DTNA: variants seen among roughly 807,000 people sequenced by gnomAD.
DTNA encodes dystrobrevin alpha.
Under a neutral mutation model 100.7 loss-of-function variants are expected in DTNA, and 43 were observed. The observed-to-expected ratio is 0.43, with a 90% CI of 0.33 to 0.55. The LOEUF (loss-of-function observed/expected upper bound fraction) is 0.55, where lower values mean the gene tolerates loss of function less well. Ranked by LOEUF, DTNA falls within the 20% of genes least tolerant of loss-of-function variation. The pLI is 0.04. For synonymous variants in DTNA, 349 were observed against 347.9 expected (o/e 1.00, Z -0.04); for missense variants, 798 against 953.9 (o/e 0.84, Z 2.15).
chr18:34,704,501 C>T (rs2081872487), intron 1 of DTNA, among the ~76,000 whole-genome samples: 1 of 152,182 alleles, frequency 6.6e-6, no homozygotes, highest in Non-Finnish European at 1.5e-5. Flanking sequence ...GGTGATTTTT[C>T]CCCTCCTTAA....
chr18:34,553,442 GAAGT>G (rs2045674300), intron 1 of DTNA, among the ~76,000 whole-genome samples: 1 of 151,174 alleles, frequency 6.6e-6, no homozygotes, highest in Admixed American at 6.6e-5. Context: ...TTTTGGACAT[GAAGT>G]CCTTGCCCAT....
intron 1 of DTNA, among the ~76,000 whole-genome samples, chr18:34,549,421 A>T (rs187760946): frequency 6.6e-6 from 1 of 152,254 alleles, no homozygotes; most frequent in East Asian, 1.9e-4. Flanking sequence ...TTTGATTTAA[A>T]GGCATTGAAA....
chr18:34,814,083 GC>G (rs2095544938), intron 6 of DTNA, among the ~76,000 whole-genome samples: 1 of 152,098 alleles, frequency 6.6e-6, no homozygotes, highest in South Asian at 2.1e-4. Context: ...AGGGCAGGGG[GC>G]TGAGTTTTTA....
intron 1 of DTNA, among the ~76,000 whole-genome samples, chr18:34,689,477 G>T (rs1188984616): frequency 6.6e-6 from 1 of 152,174 alleles, no homozygotes; most frequent in African/African-American, 2.4e-5. Context: ...AGTGAAGGCT[G>T]CAGAACAGCA....
chr18:34,884,726 A>C lies in DTNA; in HGVS notation c.2296-2A>C. On this transcript the variant is annotated splice_acceptor_variant, in intron 21 of 22. Transcript: ENST00000444659. LOFTEE classifies it high-confidence loss of function. Reference sequence around the variant, plus strand: ...CTCGTTTGTGTCCTTTGTCACCCACAGGTCAGCTTGCAAGGTTGAATGCAA... The same window carrying C: ...CTCGTTTGTGTCCTTTGTCACCCACCGGTCAGCTTGCAAGGTTGAATGCAA... 6.2e-7 allele frequency: 1 copy of C among 1,614,108 alleles called. No homozygotes were observed. Among genetic ancestry groups the C allele is most frequent in the Non-Finnish European group, 8.5e-7 (1 of 1,179,970 alleles).
rs185866125 is a variant in DTNA, at chr18:34,790,412, C to T, written c.149-3625C>T. 1.4e-3 allele frequency among the ~76,000 whole-genome samples: 204 copies of T among 145,622 alleles called. 14 individuals carry two copies. The highest frequency in any genetic ancestry group is 5.2e-3 in the African/African-American group (199 of 38,336). ...GATATCCTTGAGGAAGTAATGTTGA[C>T]GCCAAGGTATAGTAGATGAGATGTA... On this transcript the variant is annotated intron_variant, in intron 3 of 22. Coordinates refer to ENST00000444659, the MANE Select transcript of DTNA (RefSeq NM_001386795.1).
chr18:34,674,333 T>G (rs1018494791), intron 1 of DTNA, among the ~76,000 whole-genome samples: 1 of 152,186 alleles, frequency 6.6e-6, no homozygotes, highest in Admixed American at 6.5e-5. Flanking sequence ...TAATAGGAAG[T>G]AAAGACATCC....
chr18:34,528,763 G>T (rs1187197777), intron 1 of DTNA, among the ~76,000 whole-genome samples: 1 of 151,864 alleles, frequency 6.6e-6, no homozygotes, highest in Non-Finnish European at 1.5e-5. Flanking sequence ...TTTTAAACAT[G>T]AGCCTGCTTT....
chr18:34,597,881 T>A (rs2050969142), intron 1 of DTNA, among the ~76,000 whole-genome samples: 1 of 152,092 alleles, frequency 6.6e-6, no homozygotes, highest in African/African-American at 2.4e-5. Flanking sequence ...TACTTTCTTT[T>A]TAAGTGTATA....
chr18:34,666,200 G>T (rs1221515455), intron 1 of DTNA, among the ~76,000 whole-genome samples: 8 of 151,940 alleles, frequency 5.3e-5, no homozygotes, highest in Non-Finnish European at 1.0e-4. Context: ...TCATGTGTCT[G>T]TTGGCTGCAT....
In DTNA at chr18:34,869,976, G is replaced by C. The variant is rs183111792; in HGVS notation, c.1744-5263G>C. ...GCGGAGCTTGCAGTGAGCTGAGATC[G>C]TGCCACTGCACTCCAGCCTGGGCAA... is the stretch of plus-strand genomic sequence containing the variant. On this transcript the variant is annotated intron_variant, in intron 17 of 22. Transcript: ENST00000444659. 3.0e-3 allele frequency among the ~76,000 whole-genome samples: 459 copies of C among 152,286 alleles called. 1 individual carries two copies. The highest frequency in any genetic ancestry group is 4.9e-3 in the Non-Finnish European group (336 of 68,022).
chr18:34,769,011 T>A (rs1287515813), intron 3 of DTNA, among the ~76,000 whole-genome samples: 2 of 152,192 alleles, frequency 1.3e-5, no homozygotes, highest in African/African-American at 2.4e-5. Flanking sequence ...TCTTATTTAT[T>A]TTATAATGTA....
intron 1 of DTNA, among the ~76,000 whole-genome samples, chr18:34,580,246 A>G (rs868102902): frequency 2.0e-5 from 3 of 152,034 alleles, no homozygotes; most frequent in Non-Finnish European, 4.4e-5. Context: ...TATCTTTTTA[A>G]CATATCTATC....
At chr18:34,819,399 A>G (rs987766872) in intron 8 of DTNA, among the ~76,000 whole-genome samples, 4 of 152,210 alleles carry the variant, frequency 2.6e-5, no homozygotes, top group African/African-American at 9.6e-5. Flanking sequence ...GCCAATTCCA[A>G]TGCAACTCCT....
intron 17 of DTNA, among the ~76,000 whole-genome samples, chr18:34,865,887 G>A (rs2096695942): frequency 6.6e-6 from 1 of 152,204 alleles, no homozygotes; most frequent in Non-Finnish European, 1.5e-5. Flanking sequence ...AGGACAGAGA[G>A]GTGGATTGTG....
chr18:34,825,247 C>A (rs1310554160), intron 9 of DTNA: 1 of 1,613,154 alleles, frequency 6.2e-7, no homozygotes, highest in Non-Finnish European at 8.5e-7. Flanking sequence ...CTATTCTGTT[C>A]AATTCTTCGC....
At chr18:34,786,150 G>A (rs976383958) in intron 3 of DTNA, among the ~76,000 whole-genome samples, 4 of 152,154 alleles carry the variant, frequency 2.6e-5, no homozygotes, top group African/African-American at 4.8e-5. Context: ...GAGAGTTGTC[G>A]TAGGAACAAG....
At chr18:34,556,502 C>A (rs1235016696) in intron 1 of DTNA, among the ~76,000 whole-genome samples, 6 of 151,780 alleles carry the variant, frequency 4.0e-5, no homozygotes, top group Non-Finnish European at 5.9e-5. Context: ...TTTGCAGCGG[C>A]TGGTACCGGT....
At chr18:34,848,246 CA>C (rs2096415096) in intron 13 of DTNA, 49 bp from the exon 14 acceptor site, 3 of 1,572,550 alleles carry the variant, frequency 1.9e-6, no homozygotes, top group Non-Finnish European at 2.6e-6. Flanking sequence ...ATGACTGCAG[CA>C]ATCTTTCTCA....
Sources: gnomAD v4.1 joint callset for allele counts (sites outside exome capture counted in the v4.1 genomes callset) on GRCh38, gnomAD v4.1.1 for gene constraint, MANE v1.5 for transcripts, NCBI Gene and HGNC (gene_info 2026-07-23, HGNC 2026-07-21) for gene names.